The following CKAP4 variants were observed in gnomAD, a reference collection of about 807,000 sequenced individuals.
CKAP4 encodes cytoskeleton associated protein 4.
A neutral mutation model predicts 24.4 loss-of-function variants in CKAP4; 20 were observed. The ratio of observed to expected loss-of-function variants is 0.82; its 90% CI spans 0.58 to 1.19. CKAP4 has a LOEUF of 1.19. CKAP4 is among the 50% of genes most tolerant of loss of function. The probability of loss-of-function intolerance (pLI) is 0.00; values close to 1 mark genes in which losing one functional copy is unlikely to be tolerated. For missense variants in CKAP4, 744 were observed against 765.3 expected, an observed-to-expected ratio of 0.97 and a Z score of 0.33; for synonymous variants, 378 against 351.7, an observed-to-expected ratio of 1.07 and a Z score of -0.84.
rs145732575 is a variant in CKAP4 at position 106,238,581 on chromosome 12, A to C, written c.*443T>G. ...AAGACAAGTGAGAGATATCTCATAA[A>C]AATTTCGGCCAGAACAAAAAAAAAA... On this transcript the variant is annotated 3_prime_UTR_variant, in exon 2 of 2. Coordinates refer to ENST00000378026, the MANE Select transcript of CKAP4 (RefSeq NM_006825.4). The C allele has an allele frequency of 9.8e-4, 157 of 160,556 alleles. No homozygotes were observed. The highest frequency in any genetic ancestry group is 1.5e-3 in the Non-Finnish European group (111 of 73,284). The allele number at this position is 160,556 out of a possible 1,614,324, so 9.9% of individuals were successfully genotyped here. A position where few individuals can be genotyped will look rare whatever the true frequency, so the allele number is the denominator to read the frequency against.
chr12:106,240,564 G>A (rs2033961065), intron 1 of CKAP4, among the ~76,000 whole-genome samples: 1 of 151,518 alleles, frequency 6.6e-6, no homozygotes, highest in African/African-American at 2.4e-5. Context: ...TTATAACCCA[G>A]GCCTGACTAA....
In CKAP4 at chr12:106,247,738, C is replaced by G. The variant is rs1403653446; in HGVS notation, c.114G>C (p.Pro38=). The G allele has an allele frequency of 1.9e-6, 2 of 1,039,494 alleles. No individual in the cohort carries two copies. Among genetic ancestry groups the G allele is most frequent in the Non-Finnish European group, 2.3e-6 (2 of 869,628 alleles). The allele number at this position is 1,039,494 out of a possible 1,614,324, so 64.4% of individuals were successfully genotyped here. A position where few individuals can be genotyped will look rare whatever the true frequency, so the allele number is the denominator to read the frequency against. The change falls in exon 1 of 2, where the codon CCG becomes CCC. Residue 38 remains proline (P), a synonymous_variant. Transcript: ENST00000378026. The surrounding 1 kb of genome is among the most constrained non-coding windows in gnomAD (Gnocchi z 4.5). ...GCGGCGGCGGCGGCTGCTGCGGCGCCGGCGGCGGCTTCTTCGCCACGTCAT... is the reference window on the plus strand; with the variant it reads ...GCGGCGGCGGCGGCTGCTGCGGCGCGGGCGGCGGCTTCTTCGCCACGTCAT... ...GADDVAKKPP[P]APQQPPPPPA...
intron 1 of CKAP4, among the ~76,000 whole-genome samples, chr12:106,245,398 TAGTA>T (rs2033999968): frequency 6.6e-6 from 1 of 152,154 alleles, no homozygotes; most frequent in African/African-American, 2.4e-5. Flanking sequence ...TATGATTGAC[TAGTA>T]AGTAGGAGGA....
rs2033943753 is a variant in CKAP4 at position 106,239,317 on chromosome 12, C to A, written c.1516G>T (p.Val506Leu). Reference sequence around the variant, plus strand: ...AGCAGCGTGTGCACCTGCTCCTGCACCTTCTGGAGTGATTCCACGGTGCTG... The same window carrying A: ...AGCAGCGTGTGCACCTGCTCCTGCAACTTCTGGAGTGATTCCACGGTGCTG... Reference protein sequence around the residue: ...LPSTVESLQKVQEQVHTLLSQ... With the variant: ...LPSTVESLQKLQEQVHTLLSQ... Residue 506 changes from valine to leucine, a missense_variant, in exon 2 of 2, where the codon GTG becomes TTG. This residue lies in a region of CKAP4 where 401 missense variants were observed against 424.5 expected (regional missense o/e 0.94). Coordinates refer to ENST00000378026, the MANE Select transcript of CKAP4 (RefSeq NM_006825.4). This position sits in a 1 kb window ranked among gnomAD's most constrained non-coding sequence, Gnocchi z 4.9. The A allele has an allele frequency of 1.9e-6, 3 of 1,609,780 alleles. No individual in the cohort carries two copies. The highest frequency in any genetic ancestry group is 1.3e-5 in the African/African-American group (1 of 74,928).
chr12:106,240,728 A>C (rs1274678108), intron 1 of CKAP4, among the ~76,000 whole-genome samples: 2 of 152,060 alleles, frequency 1.3e-5, no homozygotes, highest in East Asian at 3.8e-4. Context: ...GACTCTATCA[A>C]GTCCCCATCA....
Position 106,240,074 on chromosome 12 carries a change from G to A in CKAP4, c.759C>T (p.Ala253=), listed in dbSNP as rs374201449. The A allele has an allele frequency of 2.5e-6, 4 of 1,614,018 alleles. No homozygotes were observed. Among genetic ancestry groups the A allele is most frequent in the African/African-American group, 2.7e-5 (2 of 74,906 alleles). Residue 253 remains alanine, a synonymous_variant, in exon 2 of 2, where the codon GCC becomes GCT. Transcript: ENST00000378026. ...TCCTCTTCTGGACTTCTGTGAAGAT[G>A]GCGATGTTGTCGTTGATGGATTTGG... ...ELTKSINDNI[A]IFTEVQKRSQ... is the part of the protein sequence containing the mutation.
In CKAP4 at chr12:106,247,973, G is replaced by C; in HGVS notation, c.-122C>G. 1 of 582,288 alleles carries C rather than the reference G, an allele frequency of 1.7e-6. No homozygotes were observed. Among genetic ancestry groups the C allele is most frequent in the Non-Finnish European group, 2.2e-6 (1 of 458,982 alleles). The allele number at this position is 582,288 out of a possible 1,614,324, so 36.1% of individuals were successfully genotyped here. On this transcript the variant is annotated 5_prime_UTR_variant, in exon 1 of 2. Transcript: ENST00000378026. The surrounding 1 kb of genome is among the most constrained non-coding windows in gnomAD (Gnocchi z 4.5). ...GCGGCACGCGGGCGCTGCTGGCGTC[G>C]GAGCGGCGAGAGGACGCGCGGCCGG... is the stretch of plus-strand genomic sequence containing the variant.
Position 106,238,927 on chromosome 12 carries a change from A to G in CKAP4, c.*97T>C, listed in dbSNP as rs1198743771. ...TGACAACTGCTCTTTAAGAGGGGAC[A>G]AGAAATTGGGGGGTAGGGGACACAT... On this transcript the variant is annotated 3_prime_UTR_variant, in exon 2 of 2. Transcript: ENST00000378026. 1 of 1,364,100 alleles carries G rather than the reference A, an allele frequency of 7.3e-7. No homozygotes were observed. Among genetic ancestry groups the G allele is most frequent in the East Asian group, 2.3e-5 (1 of 43,464 alleles). 84.5% of individuals were successfully genotyped at this position (1,364,100 alleles called of 1,614,324 possible). A position where few individuals can be genotyped will look rare whatever the true frequency, so the allele number is the denominator to read the frequency against.
In CKAP4 at chr12:106,247,381, G is replaced by C; in HGVS notation, c.471C>G (p.Gly157=). The part of the protein sequence containing the change: ...QREELGQGLQ[G]VEQKVQSLQA... Reference sequence around the variant, plus strand: ...CGGGGGTACCCACCTTCTGCTCGACGCCCTGCAAGCCCTGGCCCAGCTCCT... The same window carrying C: ...CGGGGGTACCCACCTTCTGCTCGACCCCCTGCAAGCCCTGGCCCAGCTCCT... The change falls in exon 1 of 2, where the codon GGC becomes GGG. Residue 157 remains glycine, a synonymous_variant. Transcript: ENST00000378026. This position sits in a 1 kb window ranked among gnomAD's most constrained non-coding sequence, Gnocchi z 4.5. 6.5e-7 allele frequency: 1 copy of C among 1,533,484 alleles called. No individual in the cohort carries two copies. Among genetic ancestry groups the C allele is most frequent in the Non-Finnish European group, 8.7e-7 (1 of 1,143,732 alleles). 95.0% of individuals were successfully genotyped at this position (1,533,484 alleles called of 1,614,324 possible).
chr12:106,243,054 T>C (rs1230687975), intron 1 of CKAP4, among the ~76,000 whole-genome samples: 1 of 152,192 alleles, frequency 6.6e-6, no homozygotes, highest in African/African-American at 2.4e-5. Context: ...CACTAAGTGG[T>C]AGGCAACAGG....
Position 106,241,331 on chromosome 12 carries a change from C to CTT in CKAP4, c.484-984_484-983dup, listed in dbSNP as rs34135868. ...AAACTAAAAATGTCAGCCAGGGATT[C>CTT]TTTTTTTTTTTTTTTTTTTGAGACG... On this transcript the variant is annotated intron_variant, in intron 1 of 1. Transcript: ENST00000378026. Among the ~76,000 whole-genome samples the CTT allele has an allele frequency of 1.5e-3, 191 of 127,460 alleles. 3 individuals are homozygous for CTT. Among genetic ancestry groups the CTT allele is most frequent in the African/African-American group, 4.6e-3 (151 of 32,828 alleles). The allele number at this position is 127,460 out of a possible 152,430, so 83.6% of individuals were successfully genotyped here.
chr12:106,247,609 G>GGAA lies in CKAP4; in HGVS notation c.242_243insTTC (p.Ser84dup), dbSNP rs764994447. 7.7e-7 allele frequency: 1 copy of GGAA among 1,303,002 alleles called. No homozygotes were observed. Among genetic ancestry groups the GGAA allele is most frequent in the South Asian group, 2.1e-5 (1 of 47,912 alleles). The allele number at this position is 1,303,002 out of a possible 1,614,324, so 80.7% of individuals were successfully genotyped here. On this transcript the variant is annotated inframe_insertion, in exon 1 of 2. Coordinates refer to ENST00000378026, the MANE Select transcript of CKAP4 (RefSeq NM_006825.4). This position sits in a 1 kb window ranked among gnomAD's most constrained non-coding sequence, Gnocchi z 4.5. ...CAGCGGCGGCGGAGGCGGAGGAGGAGGAGGAGGACTTGCCGCCGCCGCCGC... is the reference window on the plus strand; with the variant it reads ...CAGCGGCGGCGGAGGCGGAGGAGGAGGAAGAGGAGGACTTGCCGCCGCCGCCGC...
At position 106,239,635 on chromosome 12, in the gene CKAP4, C is replaced by G. The variant is rs750464359; in HGVS notation, c.1198G>C (p.Glu400Gln). ...CCCTGACTCTTTTGCTGGAGTGCCT[C>G]AAAGGCTTCCGAGTGTCTGAAGCCT... is the stretch of plus-strand genomic sequence containing the variant. ...DGGFRHSEAF[E>Q]ALQQKSQGLD... Residue 400 changes from glutamate to glutamine, a missense_variant, in exon 2 of 2, where the codon GAG (glutamate) becomes CAG (glutamine). Around this residue, in one of 3 missense-constraint regions of CKAP4, gnomAD observed 401 missense variants for 424.5 expected, o/e 0.94. Coordinates refer to ENST00000378026, the MANE Select transcript of CKAP4 (RefSeq NM_006825.4). This position sits in a 1 kb window ranked among gnomAD's most constrained non-coding sequence, Gnocchi z 4.9. 7 of 1,614,100 alleles carry G rather than the reference C, an allele frequency of 4.3e-6. No individual in the cohort carries two copies. The highest frequency in any genetic ancestry group is 5.9e-6 in the Non-Finnish European group (7 of 1,180,056).
intron 1 of CKAP4, among the ~76,000 whole-genome samples, chr12:106,246,308 A>G (rs535281750): frequency 6.6e-6 from 1 of 152,298 alleles, no homozygotes; most frequent in African/African-American, 2.4e-5. Flanking sequence ...AATGAAATCA[A>G]AACTGTTAGT....
At chr12:106,242,312 G>A (rs1463811782) in intron 1 of CKAP4, among the ~76,000 whole-genome samples, 2 of 152,212 alleles carry the variant, frequency 1.3e-5, no homozygotes, top group Admixed American at 1.3e-4. Context: ...TTCTTCTGAA[G>A]CACCTGGTAA....
rs1461093877 is a variant in CKAP4, at chr12:106,247,603, G to A, written c.249C>T (p.Ser83=). ...GGGGGKSSSS[S]SASAAAAAAA... ...CGGCGGCAGCGGCGGCGGAGGCGGA[G>A]GAGGAGGAGGAGGACTTGCCGCCGC... Residue 83 remains serine (S), a synonymous_variant, in exon 1 of 2, where the codon TCC becomes TCT. Coordinates refer to ENST00000378026, the MANE Select transcript of CKAP4 (RefSeq NM_006825.4). This position sits in a 1 kb window ranked among gnomAD's most constrained non-coding sequence, Gnocchi z 4.5. The A allele has an allele frequency of 4.4e-6, 6 of 1,350,732 alleles. No individual in the cohort carries two copies. Among genetic ancestry groups the A allele is most frequent in the Non-Finnish European group, 5.7e-6 (6 of 1,046,098 alleles). 83.7% of individuals were successfully genotyped at this position (1,350,732 alleles called of 1,614,324 possible). A position where few individuals can be genotyped will look rare whatever the true frequency, so the allele number is the denominator to read the frequency against.
In CKAP4 at chr12:106,239,263, G is replaced by C; in HGVS notation, c.1570C>G (p.Leu524Val). 1.9e-6 allele frequency: 3 copies of C among 1,613,668 alleles called. No homozygotes were observed. Among genetic ancestry groups the C allele is most frequent in the Non-Finnish European group, 2.5e-6 (3 of 1,180,050 alleles). Residue 524 changes from leucine (L) to valine (V), a missense_variant, in exon 2 of 2, where the codon CTG becomes GTG. Leu to Val is a conservative substitution (Grantham distance 32). Coordinates refer to ENST00000378026, the MANE Select transcript of CKAP4 (RefSeq NM_006825.4). This position sits in a 1 kb window ranked among gnomAD's most constrained non-coding sequence, Gnocchi z 4.9. The part of the protein sequence containing the change: ...LSQDQAQAAR[L>V]PPQDFLDRLS... ...CTGTCCAGGAAGTCCTGAGGAGGCAGACGGGCGGCCTGGGCTTGGTCCTGA... is the reference window on the plus strand; with the variant it reads ...CTGTCCAGGAAGTCCTGAGGAGGCACACGGGCGGCCTGGGCTTGGTCCTGA...
Position 106,247,934 on chromosome 12 carries a change from C to G in CKAP4, c.-83G>C, listed in dbSNP as rs1182597309. 1 of 874,608 alleles carries G rather than the reference C, an allele frequency of 1.1e-6. No homozygotes were observed. The highest frequency in any genetic ancestry group is 1.4e-6 in the Non-Finnish European group (1 of 724,656). 54.2% of individuals were successfully genotyped at this position (874,608 alleles called of 1,614,324 possible). A position where few individuals can be genotyped will look rare whatever the true frequency, so the allele number is the denominator to read the frequency against. On this transcript the variant is annotated 5_prime_UTR_variant, in exon 1 of 2. Coordinates refer to ENST00000378026, the MANE Select transcript of CKAP4 (RefSeq NM_006825.4). The surrounding 1 kb of genome is among the most constrained non-coding windows in gnomAD (Gnocchi z 4.5). ...GCCCGGGAAACTTGCAGGGGCTCCCCCGGGACTGGGCGAGCGGCACGCGGG... is the reference window on the plus strand; with the variant it reads ...GCCCGGGAAACTTGCAGGGGCTCCCGCGGGACTGGGCGAGCGGCACGCGGG...
rs775153247 is a variant in CKAP4, at chr12:106,239,742, G to A, written c.1091C>T (p.Ser364Phe). The A allele has an allele frequency of 6.4e-5, 104 of 1,613,858 alleles. No individual in the cohort carries two copies. The highest frequency in any genetic ancestry group is 8.2e-5 in the Non-Finnish European group (97 of 1,179,986). ...TCTCCGGATCTCCTCCGGGAGGCGGGAGACGGACTCCTCAGACCTGAGAAG... is the reference window on the plus strand; with the variant it reads ...TCTCCGGATCTCCTCCGGGAGGCGGAAGACGGACTCCTCAGACCTGAGAAG... ...EKLLRSEESV[S>F]RLPEEIRRLE... The change falls in exon 2 of 2, where the codon TCC becomes TTC. Residue 364 changes from serine (S) to phenylalanine (F), a missense_variant. Coordinates refer to ENST00000378026, the MANE Select transcript of CKAP4 (RefSeq NM_006825.4). This position sits in a 1 kb window ranked among gnomAD's most constrained non-coding sequence, Gnocchi z 4.9.
Sources: allele counts gnomAD v4.1 joint callset (sites outside exome capture counted in the v4.1 genomes callset), GRCh38; gene constraint gnomAD v4.1.1; regional missense constraint gnomAD v4.1.1; non-coding constraint Gnocchi (gnomAD v3.1); transcripts MANE v1.5; gene names NCBI Gene and HGNC (gene_info 2026-07-23, HGNC 2026-07-21).